TSHZ2: variants seen among roughly 807,000 people sequenced by gnomAD.
TSHZ2 encodes teashirt zinc finger homeobox 2.
A neutral mutation model predicts 74.4 loss-of-function variants in TSHZ2; 21 were observed. The observed-to-expected ratio is 0.28, with a 90% CI of 0.20 to 0.41. TSHZ2 has a LOEUF of 0.41. Among genes scored for constraint, TSHZ2 ranks in the 10% least tolerant of loss-of-function variants. The pLI is 1.00. For synonymous variants in TSHZ2, 540 were observed against 515.3 expected (o/e 1.05, Z -0.65); for missense variants, 1,244 against 1,293.5 (o/e 0.96, Z 0.59).
At chr20:53,460,018 T>A (rs1444611115) in intron 2 of TSHZ2, among the ~76,000 whole-genome samples, 1 of 152,112 alleles carries the variant, frequency 6.6e-6, no homozygotes, top group African/African-American at 2.4e-5. Flanking sequence ...CTCTGGTGAA[T>A]CTGACAATTA....
At chr20:53,271,079 G>A (rs763488396) in intron 2 of TSHZ2, among the ~76,000 whole-genome samples, 1 of 152,168 alleles carries the variant, frequency 6.6e-6, no homozygotes, top group Non-Finnish European at 1.5e-5. Flanking sequence ...AAATGTAAGA[G>A]GATGAAAAAT....
In TSHZ2 at chr20:53,255,832, C is replaced by G. The variant is rs777333249; in HGVS notation, c.2374C>G (p.Leu792Val). 5.0e-6 allele frequency: 8 copies of G among 1,612,890 alleles called. No homozygotes were observed. Among genetic ancestry groups the G allele is most frequent in the Non-Finnish European group, 6.8e-6 (8 of 1,179,330 alleles). The change falls in exon 2 of 3, where the codon CTG becomes GTG. Residue 792 changes from leucine (L) to valine (V), a missense_variant. By Grantham distance (32) the Leu-to-Val change is conservative. This residue lies in a region of TSHZ2 where 562 missense variants were observed against 544.0 expected (regional missense o/e 1.03). Coordinates refer to ENST00000371497, the MANE Select transcript of TSHZ2 (RefSeq NM_173485.6). This position sits in a 1 kb window ranked among gnomAD's most constrained non-coding sequence, Gnocchi z 4.1. Reference protein sequence around the residue: ...SCMSPPQKHALSDIADMVKVL... With the variant: ...SCMSPPQKHAVSDIADMVKVL... Reference sequence around the variant, plus strand: ...TATGTCCCCACCTCAGAAGCACGCTCTGTCTGACATCGCCGACATGGTCAA... The same window carrying G: ...TATGTCCCCACCTCAGAAGCACGCTGTGTCTGACATCGCCGACATGGTCAA...
intron 2 of TSHZ2, among the ~76,000 whole-genome samples, chr20:53,465,334 G>A (rs370551661): frequency 5.3e-5 from 8 of 152,164 alleles, no homozygotes; most frequent in South Asian, 2.1e-4. Flanking sequence ...GCAATGGCGC[G>A]ATCTTGGCTC....
At chr20:52,983,871 T>C (rs1438496651) in intron 1 of TSHZ2, among the ~76,000 whole-genome samples, 1 of 152,160 alleles carries the variant, frequency 6.6e-6, no homozygotes, top group African/African-American at 2.4e-5. Flanking sequence ...CAAGTGGTGC[T>C]CCGAGCCCCC....
intron 2 of TSHZ2, among the ~76,000 whole-genome samples, chr20:53,454,517 G>A (rs552225777): frequency 6.2e-4 from 94 of 151,266 alleles, no homozygotes; most frequent in Non-Finnish European, 9.3e-4. Flanking sequence ...AGCTGAGATC[G>A]TACCACTGCA....
intron 2 of TSHZ2, among the ~76,000 whole-genome samples, chr20:53,290,891 C>T (rs1991265126): frequency 6.6e-6 from 1 of 152,150 alleles, no homozygotes; most frequent in Non-Finnish European, 1.5e-5. Context: ...AACAGCCTTG[C>T]CATTTGTTTA....
At chr20:53,469,045 T>TTTTATATATATATA (rs1415631017) in intron 2 of TSHZ2, among the ~76,000 whole-genome samples, 13 of 49,124 alleles carry the variant, frequency 2.6e-4, no homozygotes, top group East Asian at 2.4e-3. Context: ...AATCGATATT[T>TTTTATATATATATA]TATATATATA....
intron 2 of TSHZ2, among the ~76,000 whole-genome samples, chr20:53,307,540 A>C (rs114991355): frequency 6.6e-6 from 1 of 152,136 alleles, no homozygotes; most frequent in Non-Finnish European, 1.5e-5. Context: ...CATTAGTGTC[A>C]CCTGGGGAGC....
intron 2 of TSHZ2, among the ~76,000 whole-genome samples, chr20:53,460,427 G>A (rs1029442049): frequency 7.9e-5 from 12 of 152,102 alleles, no homozygotes; most frequent in African/African-American, 2.9e-4. Context: ...CTCTGTATTG[G>A]TTATTCTAGT....
chr20:53,145,629 A>G (rs1447562280), intron 1 of TSHZ2, among the ~76,000 whole-genome samples: 6 of 152,204 alleles, frequency 3.9e-5, no homozygotes, highest in African/African-American at 9.7e-5. Flanking sequence ...AGTTATCCCA[A>G]TGAGGGCTAA....
rs982607462 is a variant in TSHZ2, at chr20:53,063,595, G to A, written c.40+90262G>A. On this transcript the variant is annotated intron_variant, in intron 1 of 2. Coordinates refer to ENST00000371497, the MANE Select transcript of TSHZ2 (RefSeq NM_173485.6). Reference sequence around the variant, plus strand: ...AAGTAGGAGTGGTGGACATCATTGTGTTATTTTGGAGCATATTTTTCATCT... The same window carrying A: ...AAGTAGGAGTGGTGGACATCATTGTATTATTTTGGAGCATATTTTTCATCT... Among the ~76,000 whole-genome samples, 3 of 152,292 alleles carry A rather than the reference G, an allele frequency of 2.0e-5. No homozygotes were observed. The East Asian group carries it at 5.8e-4, about 29-fold the overall frequency.
At chr20:53,319,578 T>C (rs992398661) in intron 2 of TSHZ2, among the ~76,000 whole-genome samples, 1 of 152,200 alleles carries the variant, frequency 6.6e-6, no homozygotes, top group African/African-American at 2.4e-5. Context: ...ATTTGGGCTG[T>C]ACCCAAATGA....
intron 2 of TSHZ2, among the ~76,000 whole-genome samples, chr20:53,310,350 C>G (rs1805860123): frequency 6.6e-6 from 1 of 152,232 alleles, no homozygotes; most frequent in Admixed American, 6.5e-5. Flanking sequence ...GGCCTTGAAA[C>G]AGTCTTAGAT....
chr20:53,082,347 G>C (rs1240807377), intron 1 of TSHZ2, among the ~76,000 whole-genome samples: 4 of 152,124 alleles, frequency 2.6e-5, no homozygotes, highest in Non-Finnish European at 4.4e-5. Context: ...GTAGGTGGTC[G>C]AGCCATAATA....
intron 2 of TSHZ2, among the ~76,000 whole-genome samples, chr20:53,342,083 C>T (rs1372365274): frequency 6.6e-6 from 1 of 152,172 alleles, no homozygotes; most frequent in African/African-American, 2.4e-5. Flanking sequence ...CACCCAGTTT[C>T]CCCTATTTGT....
At chr20:53,259,461 T>C (rs1255223245) in intron 2 of TSHZ2, among the ~76,000 whole-genome samples, 2 of 152,262 alleles carry the variant, frequency 1.3e-5, no homozygotes, top group Non-Finnish European at 2.9e-5. Context: ...TGTATTTGTA[T>C]ATAGCTTTAA....
At chr20:53,131,823 C>G in intron 1 of TSHZ2, among the ~76,000 whole-genome samples, 1 of 33,368 alleles carries the variant, frequency 3.0e-5, no homozygotes, top group Non-Finnish European at 5.7e-5. Context: ...ATGACAACCC[C>G]CCCCCCCCCC....
chr20:53,187,799 A>T (rs1316081709), intron 1 of TSHZ2, among the ~76,000 whole-genome samples: 3 of 152,126 alleles, frequency 2.0e-5, no homozygotes, highest in African/African-American at 7.2e-5. Context: ...TCTGAGAAAA[A>T]GTGATCTGAG....
intron 1 of TSHZ2, among the ~76,000 whole-genome samples, chr20:52,974,137 T>TC (rs765979456): frequency 1.3e-5 from 2 of 152,198 alleles, no homozygotes; most frequent in Non-Finnish European, 2.9e-5. Flanking sequence ...AGTTTTTTTT[T>TC]CTTTTGGGTT....
Sources: allele counts gnomAD v4.1 joint callset (sites outside exome capture counted in the v4.1 genomes callset), GRCh38; gene constraint gnomAD v4.1.1; regional missense constraint gnomAD v4.1.1; non-coding constraint Gnocchi (gnomAD v3.1); transcripts MANE v1.5; gene names NCBI Gene and HGNC (gene_info 2026-07-23, HGNC 2026-07-21).